Variants in LRBA observed in about 807,000 individuals in gnomAD.
LRBA encodes the protein LPS responsive beige-like anchor protein.
A neutral mutation model predicts 330.0 loss-of-function variants in LRBA; 176 were observed. That is an observed-to-expected ratio of 0.53 (90% confidence interval 0.47 to 0.60). The LOEUF (loss-of-function observed/expected upper bound fraction) is 0.60. Among genes scored for constraint, LRBA ranks in the 20% least tolerant of loss-of-function variants. LRBA has a pLI of 0.00. For synonymous variants in LRBA, 1,230 were observed against 1,193.0 expected (o/e 1.03, Z -0.64); for missense variants, 3,259 against 3,444.8 (o/e 0.95, Z 1.35).
intron 52 of LRBA, among the ~76,000 whole-genome samples, chr4:150,306,061 T>G (rs988093799): frequency 2.0e-5 from 3 of 152,198 alleles, no homozygotes; most frequent in African/African-American, 7.2e-5. Context: ...AGTTAATGTT[T>G]TATTTGACAG....
At chr4:150,768,063 CAAAAAAAAAAA>C (rs777328686) in intron 34 of LRBA, among the ~76,000 whole-genome samples, 1 of 58,046 alleles carries the variant, frequency 1.7e-5, no homozygotes, top group Non-Finnish European at 3.6e-5. Context: ...GACTCTGTCT[CAAAAAAAAAAA>C]AAAAAAAAAG....
At chr4:150,498,454 T>A (rs1759840898) in intron 40 of LRBA, among the ~76,000 whole-genome samples, 2 of 152,236 alleles carry the variant, frequency 1.3e-5, no homozygotes, top group South Asian at 4.1e-4. Flanking sequence ...AGCTCATTTT[T>A]AATTCAGTTT....
chr4:150,485,853 A>G (rs554204648), intron 42 of LRBA, among the ~76,000 whole-genome samples: 38 of 152,006 alleles, frequency 2.5e-4, no homozygotes, highest in Admixed American at 1.5e-3. Context: ...TTTGCATGGT[A>G]TACCTTTTTC....
intron 17 of LRBA, among the ~76,000 whole-genome samples, chr4:150,878,109 G>A (rs958940814): frequency 2.0e-5 from 3 of 152,052 alleles, no homozygotes; most frequent in Non-Finnish European, 4.4e-5. Flanking sequence ...AAGGTGGGCA[G>A]ATCACTTGAG....
chr4:150,534,505 A>G (rs1764430106), intron 40 of LRBA, among the ~76,000 whole-genome samples: 1 of 151,922 alleles, frequency 6.6e-6, no homozygotes, highest in Admixed American at 6.6e-5. Flanking sequence ...CATGTTAGGC[A>G]TGAATTACCT....
intron 46 of LRBA, among the ~76,000 whole-genome samples, chr4:150,428,139 C>T (rs1190201113): frequency 6.6e-6 from 1 of 151,918 alleles, no homozygotes; most frequent in Non-Finnish European, 1.5e-5. Flanking sequence ...TATAATATTA[C>T]TGCATAGTCA....
chr4:150,937,125 C>T (rs1735156382), intron 2 of LRBA, among the ~76,000 whole-genome samples: 1 of 151,952 alleles, frequency 6.6e-6, no homozygotes, highest in African/African-American at 2.4e-5. Context: ...AATATTCCTC[C>T]ATTGCTTTAA....
chr4:150,874,828 G>A (rs115579629), intron 17 of LRBA, among the ~76,000 whole-genome samples: 2 of 151,960 alleles, frequency 1.3e-5, no homozygotes, highest in Non-Finnish European at 2.9e-5. Context: ...CCTATTCCAC[G>A]TGGTGCAGCA....
chr4:150,816,345 C>A (rs1744588825), intron 31 of LRBA, among the ~76,000 whole-genome samples: 1 of 151,834 alleles, frequency 6.6e-6, no homozygotes, highest in African/African-American at 2.4e-5. Context: ...GCAAAATATC[C>A]AGAAGAAAAC....
chr4:150,583,317 C>G lies in LRBA; in HGVS notation c.6330+4731G>C. 1 of 1,614,216 alleles carries G rather than the reference C, an allele frequency of 6.2e-7. No homozygotes were observed. On this transcript the variant is annotated intron_variant, in intron 40 of 56. Coordinates refer to ENST00000651943, the MANE Select transcript of LRBA (RefSeq NM_001364905.1). This position sits in a 1 kb window ranked among gnomAD's most constrained non-coding sequence, Gnocchi z 9.8. ...TCGTGGACGACGGCTCGCTGCCCGG[C>G]TGCGCAGTGCTCAAACTGAGCGATG...
chr4:150,503,918 C>A (rs1229291533), intron 40 of LRBA, among the ~76,000 whole-genome samples: 3 of 152,106 alleles, frequency 2.0e-5, no homozygotes, highest in Non-Finnish European at 2.9e-5. Flanking sequence ...GAGCTGAAAA[C>A]CAAGGCACGA....
chr4:150,726,311 C>T (rs1244013579), intron 36 of LRBA, among the ~76,000 whole-genome samples: 6 of 152,030 alleles, frequency 3.9e-5, no homozygotes. Context: ...ACAGATATTC[C>T]AAGTCAGTGA....
intron 44 of LRBA, among the ~76,000 whole-genome samples, chr4:150,455,228 G>C (rs1196194417): frequency 6.7e-6 from 1 of 149,136 alleles, no homozygotes; most frequent in Admixed American, 6.8e-5. Flanking sequence ...TGTGGTGTTT[G>C]GTTTTTTGTT....
At chr4:150,914,086 C>A in intron 9 of LRBA, 109 bp downstream of exon 9, 1 of 820,918 alleles carries the variant, frequency 1.2e-6, no homozygotes, top group Non-Finnish European at 1.8e-6. Context: ...TAGTAGGTCT[C>A]ATTTTTCTTT....
chr4:150,861,270 GGTGTGTGTGTGTGTGTGTGTGT>G (rs35115144), intron 22 of LRBA, among the ~76,000 whole-genome samples: 1 of 137,814 alleles, frequency 7.3e-6, no homozygotes, highest in Non-Finnish European at 1.6e-5. Flanking sequence ...CCCAGCTAAT[GGTGTGTGTGTGTGTGTGTGTGT>G]GTGTGTGTGT....
chr4:150,915,711 A>G lies in LRBA; in HGVS notation c.911T>C (p.Ile304Thr), dbSNP rs1303467191. 2.5e-6 allele frequency: 4 copies of G among 1,608,342 alleles called. No individual in the cohort carries two copies. Among genetic ancestry groups the G allele is most frequent in the East Asian group, 2.2e-5 (1 of 44,658 alleles). ...FKPQKWYMVT[I>T]VHIYNRWKNS... ...CTTCCATCGGTTATAGATGTGTACT[A>G]TGGTAACCATATACCACTGCAGAAG... The change falls in exon 8 of 57, where the codon ATA becomes ACA. Residue 304 changes from isoleucine (I) to threonine (T), a missense_variant. Ile to Thr is a moderately conservative substitution (Grantham distance 89). Coordinates refer to ENST00000651943, the MANE Select transcript of LRBA (RefSeq NM_001364905.1).
chr4:150,959,514 C>G (rs1737904590), intron 2 of LRBA, among the ~76,000 whole-genome samples: 1 of 149,212 alleles, frequency 6.7e-6, no homozygotes, highest in African/African-American at 2.6e-5. Flanking sequence ...ACTCAGGAAT[C>G]AACCTGAAGA....
intron 47 of LRBA, among the ~76,000 whole-genome samples, chr4:150,386,683 T>C (rs1403407526): frequency 2.0e-5 from 3 of 152,188 alleles, no homozygotes; most frequent in African/African-American, 2.4e-5. Flanking sequence ...GGCATTTAGG[T>C]TGATTCCATG....
At chr4:150,267,945 A>T (rs942975250) in intron 56 of LRBA, among the ~76,000 whole-genome samples, 9 of 151,962 alleles carry the variant, frequency 5.9e-5, no homozygotes, top group African/African-American at 2.2e-4. Flanking sequence ...CTGTAATCCC[A>T]GCTACTTGGA....
Sources: allele counts gnomAD v4.1 joint callset (sites outside exome capture counted in the v4.1 genomes callset), GRCh38; gene constraint gnomAD v4.1.1; non-coding constraint Gnocchi (gnomAD v3.1); transcripts MANE v1.5; gene names NCBI Gene and HGNC (gene_info 2026-07-23, HGNC 2026-07-21).